Variants in TMTC1 observed in about 807,000 individuals in gnomAD.
TMTC1 encodes the protein transmembrane O-mannosyltransferase targeting cadherins 1, also known as protein O-mannosyl-transferase TMTC1.
In TMTC1, 73 loss-of-function variants were observed where a neutral mutation model predicts 104.8. The observed-to-expected ratio is 0.70, with a 90% CI of 0.58 to 0.85. The LOEUF is 0.85. Among genes scored for constraint, TMTC1 ranks in the 40% least tolerant of loss-of-function variants. TMTC1 has a pLI of 0.00. For synonymous variants in TMTC1, 434 were observed against 428.7 expected (o/e 1.01, Z -0.15); for missense variants, 1,035 against 1,096.1 (o/e 0.94, Z 0.79).
intron 5 of TMTC1, among the ~76,000 whole-genome samples, chr12:29,708,280 A>G (rs1941806562): frequency 6.6e-6 from 1 of 152,256 alleles, no homozygotes; most frequent in Non-Finnish European, 1.5e-5. Context: ...ATTTTAATAA[A>G]TGAATGAGTG....
intron 5 of TMTC1, among the ~76,000 whole-genome samples, chr12:29,684,695 T>C (rs916953243): frequency 8.5e-5 from 13 of 152,218 alleles, no homozygotes; most frequent in South Asian, 4.1e-4. Context: ...TGGATGTAAA[T>C]ATTGACTGTG....
intron 5 of TMTC1, among the ~76,000 whole-genome samples, chr12:29,734,732 AGTTG>A (rs986673804): frequency 9.8e-5 from 15 of 152,314 alleles, no homozygotes; most frequent in African/African-American, 3.4e-4. Flanking sequence ...TAATTTCAGT[AGTTG>A]GTTATTTAGA....
intron 1 of TMTC1, among the ~76,000 whole-genome samples, chr12:29,780,483 TGGGTGAG>T (rs1277626672): frequency 6.6e-6 from 1 of 152,198 alleles, no homozygotes; most frequent in Non-Finnish European, 1.5e-5. Context: ...GTTATGGATT[TGGGTGAG>T]GGGATTATGG....
chr12:29,745,217 T>C (rs749305396), intron 5 of TMTC1, among the ~76,000 whole-genome samples: 3 of 152,188 alleles, frequency 2.0e-5, no homozygotes, highest in Admixed American at 6.5e-5. Flanking sequence ...TTGCCTGCAG[T>C]AATCAACCAC....
At chr12:29,635,780 G>A (rs539540381) in intron 5 of TMTC1, among the ~76,000 whole-genome samples, 2 of 152,330 alleles carry the variant, frequency 1.3e-5, no homozygotes, top group African/African-American at 4.8e-5. Context: ...CCACAGGGAT[G>A]CAGTGTGCAA....
intron 5 of TMTC1, among the ~76,000 whole-genome samples, chr12:29,729,955 T>G (rs1438135852): frequency 6.6e-6 from 1 of 152,168 alleles, no homozygotes; most frequent in Non-Finnish European, 1.5e-5. Context: ...CATTAAAACT[T>G]TTCCTCAACC....
chr12:29,546,610 C>T (rs1363718464), intron 10 of TMTC1, among the ~76,000 whole-genome samples: 1 of 152,094 alleles, frequency 6.6e-6, no homozygotes. Context: ...AGCCTATATG[C>T]CAAATTTAAT....
At chr12:29,770,092 C>T (rs1943561944) in intron 1 of TMTC1, among the ~76,000 whole-genome samples, 1 of 151,588 alleles carries the variant, frequency 6.6e-6, no homozygotes, top group African/African-American at 2.4e-5. Flanking sequence ...TCCCATGGAT[C>T]CTAAAATTTA....
chr12:29,557,822 A>G (rs1454814431), intron 9 of TMTC1, among the ~76,000 whole-genome samples: 1 of 152,212 alleles, frequency 6.6e-6, no homozygotes, highest in Non-Finnish European at 1.5e-5. Flanking sequence ...ATGTCACCCC[A>G]TAAAAATAAA....
At chr12:29,680,399 G>A (rs2052679) in intron 5 of TMTC1, among the ~76,000 whole-genome samples, 11,970 of 152,138 alleles carry the variant, frequency 0.079, 661 homozygotes, top group South Asian at 0.17. Flanking sequence ...CCAGGTCGGA[G>A]GTAGAAAATA....
intron 10 of TMTC1, 59 bp from the exon 11 acceptor site, chr12:29,536,376 C>T: frequency 2.8e-6 from 3 of 1,073,762 alleles, no homozygotes; most frequent in African/African-American, 3.2e-5. Flanking sequence ...TTGTTTCAAT[C>T]CTCTGATTAG....
intron 5 of TMTC1, among the ~76,000 whole-genome samples, chr12:29,662,774 CCT>C (rs1220100600): frequency 6.6e-6 from 1 of 152,084 alleles, no homozygotes; most frequent in African/African-American, 2.4e-5. Context: ...TTCCTTCTCA[CCT>C]CTCTTTTCCT....
At chr12:29,540,761 G>A (rs1367168537) in intron 10 of TMTC1, among the ~76,000 whole-genome samples, 4 of 152,070 alleles carry the variant, frequency 2.6e-5, no homozygotes, top group Non-Finnish European at 5.9e-5. Context: ...TTCGGAGGCC[G>A]AGGCAGGTGG....
intron 5 of TMTC1, among the ~76,000 whole-genome samples, chr12:29,716,996 T>G (rs1184253870): frequency 1.3e-5 from 2 of 152,086 alleles, no homozygotes; most frequent in African/African-American, 2.4e-5. Context: ...GACTCCAGCC[T>G]GGGCAACAGA....
At chr12:29,686,756 A>G (rs542608783) in intron 5 of TMTC1, among the ~76,000 whole-genome samples, 3 of 152,266 alleles carry the variant, frequency 2.0e-5, no homozygotes, top group Non-Finnish European at 2.9e-5. Context: ...ATTACACCCA[A>G]CCTAGAAGTC....
rs535157198 is a variant in TMTC1 at position 29,596,923 on chromosome 12, C to A, written c.1250+7255G>T. Among the ~76,000 whole-genome samples the A allele has an allele frequency of 3.0e-4, 46 of 152,342 alleles. 1 individual carries two copies. The South Asian group carries it at 7.9e-3, about 26-fold the overall frequency. ...ACCAGTCATGGCTTTAGACAAAAGA[C>A]TCAGCACCACTCACCCTCTGGGACA... is the stretch of plus-strand genomic sequence containing the variant. On this transcript the variant is annotated intron_variant, in intron 7 of 17. Coordinates refer to ENST00000539277, the MANE Select transcript of TMTC1 (RefSeq NM_001193451.2).
At chr12:29,582,586 G>A (rs1360517031) in intron 8 of TMTC1, among the ~76,000 whole-genome samples, 2 of 152,204 alleles carry the variant, frequency 1.3e-5, no homozygotes, top group Non-Finnish European at 2.9e-5. Context: ...TTCCTGTCTT[G>A]GGTGTGCCGG....
chr12:29,585,119 A>G (rs1462982610), intron 7 of TMTC1, among the ~76,000 whole-genome samples: 5 of 150,298 alleles, frequency 3.3e-5, no homozygotes, highest in African/African-American at 1.2e-4. Flanking sequence ...CTGACTTTTT[A>G]ATGATCGCCA....
chr12:29,684,632 A>G (rs1469615510), intron 5 of TMTC1, among the ~76,000 whole-genome samples: 1 of 152,186 alleles, frequency 6.6e-6, no homozygotes, highest in African/African-American at 2.4e-5. Context: ...TTCAGAAAAT[A>G]CACTGATCAT....
Sources: gnomAD v4.1 joint callset for allele counts (sites outside exome capture counted in the v4.1 genomes callset) on GRCh38, gnomAD v4.1.1 for gene constraint, MANE v1.5 for transcripts, NCBI Gene and HGNC (gene_info 2026-07-23, HGNC 2026-07-21) for gene names.